The following TPD52 variants were observed in gnomAD, a reference collection of about 807,000 sequenced individuals.
TPD52 encodes the protein tumor protein D52, also known as prostate and colon associated protein.
Under a neutral mutation model 31.3 loss-of-function variants are expected in TPD52, and 17 were observed. The observed-to-expected ratio is 0.54, with a 90% CI of 0.37 to 0.82. TPD52 has a LOEUF of 0.82. Ranked by LOEUF, TPD52 falls within the 40% of genes least tolerant of loss-of-function variation. The probability of loss-of-function intolerance (pLI) is 0.00; values close to 1 mark genes in which losing one functional copy is unlikely to be tolerated. For missense variants in TPD52, 212 were observed against 240.1 expected (o/e 0.88, Z 0.77); for synonymous variants, 83 against 89.6 (o/e 0.93, Z 0.42).
intron 1 of TPD52, among the ~76,000 whole-genome samples, chr8:80,156,752 G>C (rs1810998786): frequency 6.6e-6 from 1 of 152,180 alleles, no homozygotes; most frequent in Non-Finnish European, 1.5e-5. Flanking sequence ...ACTTTCCAAG[G>C]CTGTGGGGAT....
intron 1 of TPD52, among the ~76,000 whole-genome samples, chr8:80,092,722 C>T (rs980740396): frequency 4.0e-5 from 6 of 151,352 alleles, no homozygotes; most frequent in African/African-American, 1.2e-4. Flanking sequence ...CTGTAGATCT[C>T]GTGAAGAGAG....
At chr8:80,131,797 A>G (rs1415046174) in intron 1 of TPD52, among the ~76,000 whole-genome samples, 1 of 152,176 alleles carries the variant, frequency 6.6e-6, no homozygotes, top group Non-Finnish European at 1.5e-5. Context: ...TATACTGAAT[A>G]GCGTAAAACT....
intron 2 of TPD52, among the ~76,000 whole-genome samples, chr8:80,055,492 A>G (rs779916011): frequency 1.3e-5 from 2 of 152,224 alleles, no homozygotes; most frequent in Admixed American, 6.5e-5. Flanking sequence ...ACTTCAGGGC[A>G]TTGGTCTAGA....
chr8:80,106,839 C>A (rs4740109), intron 1 of TPD52, among the ~76,000 whole-genome samples: 1 of 146,472 alleles, frequency 6.8e-6, no homozygotes. Context: ...AAAAAAACCC[C>A]AAAAAAACAT....
chr8:80,129,463 G>A (rs556304913), intron 1 of TPD52, among the ~76,000 whole-genome samples: 14 of 152,144 alleles, frequency 9.2e-5, no homozygotes, highest in African/African-American at 3.1e-4. Flanking sequence ...CCTTCTACAC[G>A]GGACGTAGAA....
chr8:80,034,734 G>A (rs1305907878), downstream of TPD52: 2 of 152,158 alleles, frequency 1.3e-5, no homozygotes, highest in East Asian at 3.9e-4. Flanking sequence ...TAAAGTGAAA[G>A]ATCACGTCCA....
chr8:80,039,421 T>C (rs1334538102), intron 7 of TPD52, among the ~76,000 whole-genome samples: 1 of 147,078 alleles, frequency 6.8e-6, no homozygotes, highest in Admixed American at 6.8e-5. Flanking sequence ...CCAATCAATC[T>C]TTTTTTTTTT....
chr8:80,106,826 C>CAA (rs11353412), intron 1 of TPD52, among the ~76,000 whole-genome samples: 18 of 147,930 alleles, frequency 1.2e-4, no homozygotes, highest in African/African-American at 3.5e-4. Flanking sequence ...CCACAAAAAG[C>CAA]AAAAAAAAAC....
At chr8:80,096,821 C>A (rs1375787191) in intron 1 of TPD52, among the ~76,000 whole-genome samples, 1 of 152,124 alleles carries the variant, frequency 6.6e-6, no homozygotes, top group Non-Finnish European at 1.5e-5. Flanking sequence ...TGATGAGACA[C>A]AACAATATGG....
chr8:80,077,337 TTA>T (rs1814696338), intron 1 of TPD52, among the ~76,000 whole-genome samples: 1 of 151,882 alleles, frequency 6.6e-6, no homozygotes, highest in African/African-American at 2.4e-5. Context: ...ATTTGGGATA[TTA>T]TCCTTAAGGG....
chr8:80,099,112 T>C (rs1271024897), intron 1 of TPD52, among the ~76,000 whole-genome samples: 2 of 152,216 alleles, frequency 1.3e-5, no homozygotes, highest in South Asian at 2.1e-4. Flanking sequence ...TACAGTATAG[T>C]GTAAACATAA....
intron 1 of TPD52, among the ~76,000 whole-genome samples, chr8:80,155,174 T>C (rs1810873840): frequency 6.6e-6 from 1 of 152,084 alleles, no homozygotes; most frequent in South Asian, 2.1e-4. Context: ...GATGTTACTA[T>C]TGTAATTGCT....
chr8:80,119,684 T>C (rs1808117131), intron 1 of TPD52: 1 of 159,658 alleles, frequency 6.3e-6, no homozygotes, highest in Admixed American at 6.5e-5. Flanking sequence ...AAATATAAGC[T>C]TCTTTAAAAT....
chr8:80,053,450 G>A lies in TPD52; in HGVS notation c.136-20C>T. 1.2e-6 allele frequency: 2 copies of A among 1,609,498 alleles called. No individual in the cohort carries two copies. The highest frequency in any genetic ancestry group is 1.3e-5 in the African/African-American group (1 of 74,760). ...TTCTACCTATGAGGAAGGGGTTTGGGGTAAGAATATAGCAAAAGTCATTCA... is the reference window on the plus strand; with the variant it reads ...TTCTACCTATGAGGAAGGGGTTTGGAGTAAGAATATAGCAAAAGTCATTCA... On this transcript the variant is annotated intron_variant, in intron 2 of 7. Coordinates refer to ENST00000518937, the MANE Select transcript of TPD52 (RefSeq NM_001025253.3).
intron 1 of TPD52, among the ~76,000 whole-genome samples, chr8:80,077,266 C>T (rs1814680338): frequency 7.3e-6 from 1 of 137,082 alleles, no homozygotes; most frequent in Admixed American, 7.6e-5. Flanking sequence ...CAGAGCAAGA[C>T]TCTGTCTCAA....
chr8:80,144,567 C>T (rs1302950459), intron 1 of TPD52, among the ~76,000 whole-genome samples: 1 of 152,156 alleles, frequency 6.6e-6, no homozygotes, highest in East Asian at 1.9e-4. Context: ...CAGATAGGTG[C>T]CTCCTCTTAC....
intron 1 of TPD52, among the ~76,000 whole-genome samples, chr8:80,139,028 C>G (rs1809634263): frequency 6.6e-6 from 1 of 152,154 alleles, no homozygotes; most frequent in Non-Finnish European, 1.5e-5. Flanking sequence ...CTCAGCCACC[C>G]CATGAGTCTG....
intron 1 of TPD52, chr8:80,122,930 C>T (rs1440604080): frequency 6.6e-6 from 1 of 152,308 alleles, no homozygotes; most frequent in African/African-American, 2.4e-5. Context: ...CACTGCTAGG[C>T]TGAGAATTCT....
chr8:80,049,187 A>G (rs1811138990), intron 5 of TPD52, among the ~76,000 whole-genome samples: 1 of 152,088 alleles, frequency 6.6e-6, no homozygotes, highest in Admixed American at 6.6e-5. Flanking sequence ...AGGCTCTTCC[A>G]TTCTTAACTT....
Sources: allele counts gnomAD v4.1 joint callset (sites outside exome capture counted in the v4.1 genomes callset), GRCh38; gene constraint gnomAD v4.1.1; transcripts MANE v1.5; gene names NCBI Gene and HGNC (gene_info 2026-07-23, HGNC 2026-07-21).